The following KIF24 variants were observed in gnomAD, a reference collection of about 807,000 sequenced individuals.
The protein encoded by KIF24 is kinesin family member 24.
KIF24 carries 81 observed loss-of-function variants against 118.9 expected under a neutral mutation model. The observed-to-expected ratio is 0.68, with a 90% CI of 0.57 to 0.82. KIF24 has a LOEUF of 0.82. Among genes scored for constraint, KIF24 ranks in the 40% least tolerant of loss-of-function variants. The pLI is 0.00. For missense variants in KIF24, 1,560 were observed against 1,661.6 expected (o/e 0.94, Z 1.06); for synonymous variants, 599 against 610.0 (o/e 0.98, Z 0.27).
At chr9:34,262,556 C>T (rs545077903) in intron 9 of KIF24, among the ~76,000 whole-genome samples, 1 of 144,286 alleles carries the variant, frequency 6.9e-6, no homozygotes, top group Admixed American at 7.0e-5. Context: ...CCTGTAATCC[C>T]AGTACTTTGG....
At chr9:34,320,203 C>A (rs557082922) in intron 1 of KIF24, among the ~76,000 whole-genome samples, 34 of 152,124 alleles carry the variant, frequency 2.2e-4, no homozygotes, top group African/African-American at 8.2e-4. Context: ...AGAATGGCGT[C>A]ATGGGGATGA....
chr9:34,299,599 T>C (rs145669646), intron 3 of KIF24, among the ~76,000 whole-genome samples: 2 of 152,064 alleles, frequency 1.3e-5, no homozygotes, highest in African/African-American at 2.4e-5. Context: ...TTATAGAATA[T>C]CTCTGGAAAG....
intron 8 of KIF24, among the ~76,000 whole-genome samples, chr9:34,266,995 A>G (rs1835322318): frequency 6.6e-6 from 1 of 152,214 alleles, no homozygotes; most frequent in African/African-American, 2.4e-5. Context: ...TGTTTAGGTA[A>G]CATGAACTCC....
At chr9:34,325,359 A>AAAG (rs1554668007) in intron 1 of KIF24, among the ~76,000 whole-genome samples, 5 of 148,310 alleles carry the variant, frequency 3.4e-5, no homozygotes, top group African/African-American at 9.9e-5. Context: ...AAAAAAAAAA[A>AAAG]GCAATATGTC....
rs148381039 is a variant in KIF24, at chr9:34,284,066, G to A, written c.1215+2551C>T. 2.3e-3 allele frequency among the ~76,000 whole-genome samples: 353 copies of A among 151,908 alleles called. 2 individuals carry two copies. Among genetic ancestry groups the A allele is most frequent in the Non-Finnish European group, 3.2e-3 (216 of 67,940 alleles). Reference sequence around the variant, plus strand: ...GAGGATTGCTTGAGCCCAGGAACTTGAGACCAGCCTGGGCAACATGGTAGG... The same window carrying A: ...GAGGATTGCTTGAGCCCAGGAACTTAAGACCAGCCTGGGCAACATGGTAGG... On this transcript the variant is annotated intron_variant, in intron 6 of 12. Coordinates refer to ENST00000402558, the MANE Select transcript of KIF24 (RefSeq NM_194313.4).
At chr9:34,270,377 G>A (rs1402904171) in intron 7 of KIF24, among the ~76,000 whole-genome samples, 1 of 150,762 alleles carries the variant, frequency 6.6e-6, no homozygotes, top group Non-Finnish European at 1.5e-5. Flanking sequence ...TTAGCCAGGC[G>A]TGGTGGCGGG....
chr9:34,286,497 G>A, intron 6 of KIF24, 120 bp downstream of exon 6: 5 of 662,262 alleles, frequency 7.5e-6, no homozygotes, highest in Non-Finnish European at 5.4e-6. Context: ...GGGAAGTGGT[G>A]GGCTTGTCAT....
At chr9:34,261,686 C>T (rs1835062943) in intron 9 of KIF24, among the ~76,000 whole-genome samples, 1 of 152,096 alleles carries the variant, frequency 6.6e-6, no homozygotes, top group Admixed American at 6.6e-5. Context: ...TGTGTGGCTG[C>T]GTAATAGTAG....
At chr9:34,285,745 A>G (rs1441079411) in intron 6 of KIF24, among the ~76,000 whole-genome samples, 1 of 148,992 alleles carries the variant, frequency 6.7e-6, no homozygotes, top group Non-Finnish European at 1.5e-5. Context: ...ACTGCACTCC[A>G]GCCTAGGTGA....
intron 8 of KIF24, among the ~76,000 whole-genome samples, chr9:34,264,597 G>C (rs1835217138): frequency 6.6e-6 from 1 of 152,052 alleles, no homozygotes; most frequent in African/African-American, 2.4e-5. Flanking sequence ...ATAAACAGGT[G>C]TGAGGAAATT....
chr9:34,308,393 C>T (rs1479294813), intron 2 of KIF24, among the ~76,000 whole-genome samples: 1 of 151,422 alleles, frequency 6.6e-6, no homozygotes, highest in Non-Finnish European at 1.5e-5. Flanking sequence ...AAGCGATTTT[C>T]CTACCTCAGC....
At chr9:34,321,563 T>TA (rs57959947) in intron 1 of KIF24, among the ~76,000 whole-genome samples, 81,803 of 120,722 alleles carry the variant, frequency 0.68, 29,437 homozygotes, top group East Asian at 0.93. Context: ...CCGATAGCAT[T>TA]AAAAAAAAAA....
intron 9 of KIF24, 121 bp from the exon 10 acceptor site, chr9:34,259,826 T>A: frequency 1.6e-6 from 1 of 634,420 alleles, no homozygotes. Flanking sequence ...GTAATTAACA[T>A]TAACAAAAGA....
chr9:34,306,204 G>T, intron 3 of KIF24, 48 bp downstream of exon 3: 1 of 1,249,192 alleles, frequency 8.0e-7, no homozygotes, highest in African/African-American at 1.5e-5. Flanking sequence ...AAAAAAAAAT[G>T]ACATACTTGA....
chr9:34,323,662 T>C (rs1236326449), intron 1 of KIF24, among the ~76,000 whole-genome samples: 3 of 152,368 alleles, frequency 2.0e-5, no homozygotes, highest in Admixed American at 6.5e-5. Flanking sequence ...CAATCAGTTT[T>C]CATAAATTAC....
chr9:34,293,791 A>C (rs1048794727), intron 4 of KIF24, among the ~76,000 whole-genome samples: 3 of 152,204 alleles, frequency 2.0e-5, no homozygotes, highest in African/African-American at 4.8e-5. Flanking sequence ...ACATGAAAAG[A>C]AGCTCAGTAT....
chr9:34,274,334 A>G (rs1265579302), intron 6 of KIF24, among the ~76,000 whole-genome samples: 2 of 1,506 alleles, frequency 1.3e-3, no homozygotes, highest in African/African-American at 8.3e-3. Flanking sequence ...TGTCCCAGAA[A>G]GTAAAACATA....
rs1243250073 is a variant in KIF24, at chr9:34,253,679, A to C, written c.*701T>G. The C allele has an allele frequency of 6.6e-6, 1 of 152,212 alleles. No individual in the cohort carries two copies. The highest frequency in any genetic ancestry group is 2.4e-5 in the African/African-American group (1 of 41,448). 9.4% of individuals were successfully genotyped at this position (152,212 alleles called of 1,614,324 possible). On this transcript the variant is annotated 3_prime_UTR_variant, in exon 13 of 13. Coordinates refer to ENST00000402558, the MANE Select transcript of KIF24 (RefSeq NM_194313.4). ...CACCCGAGCAAAAGTCAGGAGAAAA[A>C]TTGATGTGTGACACAGGCACCCTCT...
At chr9:34,322,676 A>T (rs1837560863) in intron 1 of KIF24, among the ~76,000 whole-genome samples, 1 of 152,148 alleles carries the variant, frequency 6.6e-6, no homozygotes, top group Non-Finnish European at 1.5e-5. Flanking sequence ...CGACATGGTG[A>T]AACTCCATCT....
Sources: gnomAD v4.1 joint callset for allele counts (sites outside exome capture counted in the v4.1 genomes callset) on GRCh38, gnomAD v4.1.1 for gene constraint, MANE v1.5 for transcripts, NCBI Gene and HGNC (gene_info 2026-07-23, HGNC 2026-07-21) for gene names.